The following BCR variants were observed in gnomAD, a reference collection of about 807,000 sequenced individuals.
BCR encodes the protein breakpoint cluster region protein.
Under a neutral mutation model 138.6 loss-of-function variants are expected in BCR, and 58 were observed. The ratio of observed to expected loss-of-function variants is 0.42; its 90% CI spans 0.34 to 0.52. The LOEUF (loss-of-function observed/expected upper bound fraction) is 0.52, where lower values mean the gene tolerates loss of function less well. Among genes scored for constraint, BCR ranks in the 20% least tolerant of loss-of-function variants. The probability of loss-of-function intolerance (pLI) is 0.06; values close to 1 mark genes in which losing one functional copy is unlikely to be tolerated. For missense variants in BCR, 1,599 were observed against 1,727.2 expected (o/e 0.93, Z 1.32); for synonymous variants, 786 against 730.1 (o/e 1.08, Z -1.23).
chr22:23,195,281 A>G (rs1415174590), intron 1 of BCR, among the ~76,000 whole-genome samples: 1 of 151,834 alleles, frequency 6.6e-6, no homozygotes, highest in Non-Finnish European at 1.5e-5. Flanking sequence ...TTAGCTGGGC[A>G]TGGTGGCACA....
chr22:23,188,715 A>G (rs1338883662), intron 1 of BCR, among the ~76,000 whole-genome samples: 1 of 151,470 alleles, frequency 6.6e-6, no homozygotes, highest in Non-Finnish European at 1.5e-5. Flanking sequence ...TATGAACCCC[A>G]GGGAATATCT....
Position 23,313,950 on chromosome 22 carries a change from AC to A in BCR, c.3458-15del. On this transcript the variant is annotated splice_polypyrimidine_tract_variant and intron_variant, in intron 20 of 22. Transcript: ENST00000305877. ...TGGCTCGTTGTGACCCCAAGGAGTA[AC>A]CCACCGCCTTCTGCAGCTCTTTCAG... 1 of 1,607,646 alleles carries A rather than the reference AC, an allele frequency of 6.2e-7. No individual in the cohort carries two copies. The highest frequency in any genetic ancestry group is 8.5e-7 in the Non-Finnish European group (1 of 1,174,836).
chr22:23,184,230 C>A (rs749999085), intron 1 of BCR, among the ~76,000 whole-genome samples: 4 of 152,106 alleles, frequency 2.6e-5, no homozygotes, highest in Non-Finnish European at 5.9e-5. Flanking sequence ...GGACTGCAGG[C>A]TCAAACCACT....
chr22:23,218,716 A>G (rs2146228421), intron 1 of BCR, among the ~76,000 whole-genome samples: 1 of 152,062 alleles, frequency 6.6e-6, no homozygotes, highest in South Asian at 2.1e-4. Flanking sequence ...CATAGTGAGG[A>G]CCCATGGGGC....
intron 10 of BCR, among the ~76,000 whole-genome samples, chr22:23,286,246 C>T (rs2073710936): frequency 1.3e-5 from 2 of 152,212 alleles, no homozygotes; most frequent in South Asian, 4.1e-4. Flanking sequence ...TGTTTGAAGA[C>T]TGTAAAAATG....
At chr22:23,208,478 C>G (rs2072643731) in intron 1 of BCR, among the ~76,000 whole-genome samples, 1 of 152,002 alleles carries the variant, frequency 6.6e-6, no homozygotes, top group Admixed American at 6.6e-5. Context: ...TTAAAAATAA[C>G]ACAGTTCAGT....
intron 1 of BCR, among the ~76,000 whole-genome samples, chr22:23,210,122 T>G (rs1352763302): frequency 6.6e-6 from 1 of 152,184 alleles, no homozygotes; most frequent in Admixed American, 6.5e-5. Flanking sequence ...CTGTTCTTTT[T>G]CAAACATCTT....
rs16999613 is a variant in BCR at position 23,312,007 on chromosome 22, T to G, written c.3322+171T>G. 7,138 of 1,322,966 alleles carry G rather than the reference T, an allele frequency of 5.4e-3. 257 individuals are homozygous for G. The East Asian group carries it at 0.076, about 14-fold the overall frequency. 82.0% of individuals were successfully genotyped at this position (1,322,966 alleles called of 1,614,324 possible). A position where few individuals can be genotyped will look rare whatever the true frequency, so the allele number is the denominator to read the frequency against. On this transcript the variant is annotated intron_variant, in intron 19 of 22. Coordinates refer to ENST00000305877, the MANE Select transcript of BCR (RefSeq NM_004327.4). ...AGACAAGAGTTGTAGAAAAAGCCTC[T>G]GTAGAAACCAGTTTTTAAACCATCC...
chr22:23,263,518 C>T lies in BCR; in HGVS notation c.1752+1978C>T, dbSNP rs2073397992. The T allele has an allele frequency of 1.6e-5, 25 of 1,575,702 alleles. No homozygotes were observed. In the South Asian group the frequency reaches 2.7e-4, roughly 17 times the overall value. On this transcript the variant is annotated intron_variant, in intron 4 of 22. Coordinates refer to ENST00000305877, the MANE Select transcript of BCR (RefSeq NM_004327.4). Reference sequence around the variant, plus strand: ...CTAGAGGATGATGCTTTGTACATATCCCAGGCTAATTTCATCCTGGCCTAC... The same window carrying T: ...CTAGAGGATGATGCTTTGTACATATTCCAGGCTAATTTCATCCTGGCCTAC...
chr22:23,256,305 TG>T (rs903143758), intron 2 of BCR, among the ~76,000 whole-genome samples: 1 of 152,064 alleles, frequency 6.6e-6, no homozygotes, highest in Non-Finnish European at 1.5e-5. Flanking sequence ...GGGGTGTCAG[TG>T]GACTCCTGTG....
intron 1 of BCR, among the ~76,000 whole-genome samples, chr22:23,236,511 G>A (rs79677434): frequency 0.016 from 2,494 of 152,324 alleles, 69 homozygotes; most frequent in African/African-American, 0.058. Flanking sequence ...GCCAAGAGGA[G>A]AGCATGGCTC....
At chr22:23,233,550 G>C (rs563057044) in intron 1 of BCR, among the ~76,000 whole-genome samples, 1 of 152,150 alleles carries the variant, frequency 6.6e-6, no homozygotes. Context: ...CACTTTGAGA[G>C]GCTGAGGCAA....
In BCR at chr22:23,265,853, A is replaced by G. The variant is rs570054576; in HGVS notation, c.1753-2555A>G. ...GAACAAGGACATTCCTATAACTCAC[A>G]GTAGAATTTGTCAAATTCAGGAAAT... On this transcript the variant is annotated intron_variant, in intron 4 of 22. Coordinates refer to ENST00000305877, the MANE Select transcript of BCR (RefSeq NM_004327.4). 7.9e-5 allele frequency among the ~76,000 whole-genome samples: 12 copies of G among 152,346 alleles called. No individual in the cohort carries two copies. In the East Asian group the frequency reaches 2.1e-3, roughly 27 times the overall value.
chr22:23,268,653 C>G, intron 5 of BCR, 138 bp downstream of exon 5: 3 of 810,502 alleles, frequency 3.7e-6, no homozygotes, highest in Non-Finnish European at 6.1e-6. Context: ...GGGTTCGTTG[C>G]GTCAGCCCTG....
At chr22:23,265,262 G>A (rs560740451) in intron 4 of BCR, among the ~76,000 whole-genome samples, 6 of 152,242 alleles carry the variant, frequency 3.9e-5, no homozygotes, top group African/African-American at 1.4e-4. Context: ...TGGCGTTGCA[G>A]TGGGAAGTTG....
intron 2 of BCR, 82 bp from the exon 3 acceptor site, chr22:23,260,868 T>C (rs1344521984): frequency 3.1e-6 from 4 of 1,300,310 alleles, no homozygotes; most frequent in Non-Finnish European, 4.5e-6. Flanking sequence ...GTCAACAAGC[T>C]GGCCCTCCTC....
chr22:23,315,065 A>C (rs184372183), intron 22 of BCR, among the ~76,000 whole-genome samples: 213 of 152,306 alleles, frequency 1.4e-3, no homozygotes, highest in South Asian at 5.4e-3. Flanking sequence ...AGAAAAAATA[A>C]AAAGAAAAAT....
At chr22:23,268,815 G>T (rs1380375893) in intron 5 of BCR, among the ~76,000 whole-genome samples, 1 of 152,260 alleles carries the variant, frequency 6.6e-6, no homozygotes, top group Non-Finnish European at 1.5e-5. Context: ...AGTTCTGCCT[G>T]TGAGCAGCTC....
intron 1 of BCR, among the ~76,000 whole-genome samples, chr22:23,222,686 CTATG>C (rs1420437526): frequency 2.6e-5 from 4 of 152,118 alleles, no homozygotes; most frequent in Non-Finnish European, 2.9e-5. Context: ...CAGACGTGGG[CTATG>C]TTGTCTGGGC....
Sources: allele counts gnomAD v4.1 joint callset (sites outside exome capture counted in the v4.1 genomes callset), GRCh38; gene constraint gnomAD v4.1.1; transcripts MANE v1.5; gene names NCBI Gene and HGNC (gene_info 2026-07-23, HGNC 2026-07-21).